Variants in FSTL5 observed in about 807,000 individuals in gnomAD.
FSTL5 encodes follistatin-related protein 5.
FSTL5 carries 62 observed loss-of-function variants against 89.1 expected under a neutral mutation model. That is an observed-to-expected ratio of 0.70 (90% CI 0.57 to 0.86). The LOEUF (loss-of-function observed/expected upper bound fraction) is 0.86. Ranked by LOEUF, FSTL5 falls within the 40% of genes least tolerant of loss-of-function variation. FSTL5 has a pLI of 0.00. For synonymous variants in FSTL5, 383 were observed against 346.2 expected (o/e 1.11, Z -1.18); for missense variants, 1,057 against 1,001.6 (o/e 1.06, Z -0.75).
chr4:161,428,507 C>T (rs62325055), intron 15 of FSTL5, among the ~76,000 whole-genome samples: 16,515 of 152,220 alleles, frequency 0.11, 897 homozygotes, highest in Non-Finnish European at 0.12. Flanking sequence ...AAAAGGACTT[C>T]GTCTTGTAAC....
At chr4:161,718,199 T>G (rs1175335271) in intron 6 of FSTL5, among the ~76,000 whole-genome samples, 1 of 152,168 alleles carries the variant, frequency 6.6e-6, no homozygotes, top group African/African-American at 2.4e-5. Context: ...AAAGAGAAAT[T>G]GGAAATGAAC....
chr4:161,892,518 C>G (rs763099967), intron 4 of FSTL5, among the ~76,000 whole-genome samples: 1 of 152,004 alleles, frequency 6.6e-6, no homozygotes, highest in Non-Finnish European at 1.5e-5. Context: ...CCAACTTTCT[C>G]TAAATGTGTA....
chr4:161,850,951 A>T (rs957234026), intron 4 of FSTL5, among the ~76,000 whole-genome samples: 4 of 152,144 alleles, frequency 2.6e-5, no homozygotes, highest in African/African-American at 9.7e-5. Context: ...CTTAATACTA[A>T]GGTAATGGGT....
At chr4:161,514,071 C>T (rs75894814) in intron 10 of FSTL5, among the ~76,000 whole-genome samples, 5,235 of 152,048 alleles carry the variant, frequency 0.034, 189 homozygotes, top group East Asian at 0.15. Flanking sequence ...AAAATGCAAT[C>T]TGATAAAATA....
chr4:162,005,005 A>G (rs530559367), intron 3 of FSTL5, among the ~76,000 whole-genome samples: 1 of 152,266 alleles, frequency 6.6e-6, no homozygotes, highest in East Asian at 1.9e-4. Flanking sequence ...TATCCTTATA[A>G]AATTTGTAAA....
At chr4:161,555,929 T>C (rs1489180444) in intron 8 of FSTL5, among the ~76,000 whole-genome samples, 7 of 151,606 alleles carry the variant, frequency 4.6e-5, no homozygotes, top group Non-Finnish European at 8.9e-5. Context: ...TAGATGGGAA[T>C]TGAACCTGTC....
chr4:162,024,224 G>A (rs185866029), intron 3 of FSTL5, among the ~76,000 whole-genome samples: 11 of 152,074 alleles, frequency 7.2e-5, no homozygotes, highest in South Asian at 2.1e-4. Flanking sequence ...AAAATATTCC[G>A]AATTCACATA....
intron 5 of FSTL5, among the ~76,000 whole-genome samples, chr4:161,773,442 A>C (rs1370115928): frequency 6.6e-6 from 1 of 152,196 alleles, no homozygotes; most frequent in African/African-American, 2.4e-5. Flanking sequence ...TGCAATCTAT[A>C]TATCTGACAA....
intron 3 of FSTL5, among the ~76,000 whole-genome samples, chr4:161,928,750 C>T (rs1039690527): frequency 6.6e-6 from 1 of 151,654 alleles, no homozygotes; most frequent in Non-Finnish European, 1.5e-5. Context: ...AGTATTTACC[C>T]ATTTTTATTG....
At chr4:161,443,734 C>G (rs944181861) in intron 15 of FSTL5, among the ~76,000 whole-genome samples, 1 of 151,840 alleles carries the variant, frequency 6.6e-6, no homozygotes, top group African/African-American at 2.4e-5. Context: ...AAGAGTGATA[C>G]TGAGTTTGGC....
At chr4:161,909,988 A>G (rs1332874395) in intron 4 of FSTL5, among the ~76,000 whole-genome samples, 2 of 152,136 alleles carry the variant, frequency 1.3e-5, no homozygotes, top group African/African-American at 2.4e-5. Context: ...AGAATAAAAA[A>G]TCTCTAATGA....
chr4:161,500,289 C>A (rs951963310), intron 11 of FSTL5, among the ~76,000 whole-genome samples, 155 bp from the exon 12 acceptor site: 2 of 152,078 alleles, frequency 1.3e-5, no homozygotes, highest in Admixed American at 1.3e-4. Flanking sequence ...ACTGTATACT[C>A]GCACCACTTT....
At chr4:161,708,178 G>A (rs1442663705) in intron 6 of FSTL5, among the ~76,000 whole-genome samples, 3 of 151,994 alleles carry the variant, frequency 2.0e-5, no homozygotes, top group Non-Finnish European at 4.4e-5. Flanking sequence ...TTGTCTCCTT[G>A]TAGGATGTCC....
At chr4:161,417,758 C>G (rs2126305942) in intron 15 of FSTL5, among the ~76,000 whole-genome samples, 1 of 152,236 alleles carries the variant, frequency 6.6e-6, no homozygotes, top group South Asian at 2.1e-4. Flanking sequence ...ACAAATAGAA[C>G]AGCATCTTGC....
At chr4:162,099,903 A>G (rs1430507998) in intron 2 of FSTL5, among the ~76,000 whole-genome samples, 1 of 152,070 alleles carries the variant, frequency 6.6e-6, no homozygotes, top group Non-Finnish European at 1.5e-5. Context: ...CAGAATGCAA[A>G]ATACTGACAA....
chr4:161,798,940 T>A (rs1729716098), intron 4 of FSTL5, among the ~76,000 whole-genome samples: 1 of 151,364 alleles, frequency 6.6e-6, no homozygotes, highest in Admixed American at 6.6e-5. Flanking sequence ...CCAAGGGAAA[T>A]TATGAGGCGC....
chr4:162,066,299 TTTC>T (rs1222795843), intron 2 of FSTL5, among the ~76,000 whole-genome samples: 19 of 70,148 alleles, frequency 2.7e-4, no homozygotes, highest in East Asian at 1.4e-3. Context: ...TCCTCCTACT[TTTC>T]TTCTTCTTCT....
rs564290673 is a variant in FSTL5, at chr4:161,434,534, G to A, written c.1841+20470C>T. 9.2e-5 allele frequency among the ~76,000 whole-genome samples: 14 copies of A among 151,826 alleles called. No homozygotes were observed. In the South Asian group the frequency reaches 1.2e-3, roughly 14 times the overall value. On this transcript the variant is annotated intron_variant, in intron 15 of 15. Coordinates refer to ENST00000306100, the MANE Select transcript of FSTL5 (RefSeq NM_020116.5). ...GACTAGGCAAAGATTTTTTGTATCC[G>A]ATAAGCACAGGTAACCAAAGGAAAA...
At chr4:161,990,911 T>C (rs1192890665) in intron 3 of FSTL5, among the ~76,000 whole-genome samples, 1 of 152,132 alleles carries the variant, frequency 6.6e-6, no homozygotes, top group African/African-American at 2.4e-5. Context: ...GGTGTGCATG[T>C]CCAAACTTGC....
Sources: gnomAD v4.1 joint callset for allele counts (sites outside exome capture counted in the v4.1 genomes callset) on GRCh38, gnomAD v4.1.1 for gene constraint, MANE v1.5 for transcripts, NCBI Gene and HGNC (gene_info 2026-07-23, HGNC 2026-07-21) for gene names.